Variants in DACH1 observed in about 807,000 individuals in gnomAD.
DACH1 encodes the protein dachshund family transcription factor 1, also known as dachshund homolog 1.
In DACH1, 12 loss-of-function variants were observed where a neutral mutation model predicts 54.2. The observed-to-expected ratio is 0.22, with a 90% confidence interval of 0.14 to 0.36. DACH1 has a LOEUF of 0.36. DACH1 is among the 10% of genes least tolerant of loss of function. The pLI is 1.00. For missense variants in DACH1, 805 were observed against 929.8 expected (o/e 0.87, Z 1.75); for synonymous variants, 386 against 366.2 (o/e 1.05, Z -0.62).
chr13:71,465,081 T>C (rs779207342), intron 10 of DACH1, among the ~76,000 whole-genome samples: 1 of 152,102 alleles, frequency 6.6e-6, no homozygotes, highest in Non-Finnish European at 1.5e-5. Flanking sequence ...CTGCATTCTG[T>C]CCCTAACCAT....
At chr13:71,847,180 C>A (rs1873338870) in intron 1 of DACH1, among the ~76,000 whole-genome samples, 2 of 152,152 alleles carry the variant, frequency 1.3e-5, no homozygotes, top group South Asian at 2.1e-4. Context: ...AATTAGACAT[C>A]TTGTAATATA....
At chr13:71,485,951 C>T (rs1236528233) in intron 7 of DACH1, among the ~76,000 whole-genome samples, 3 of 151,488 alleles carry the variant, frequency 2.0e-5, no homozygotes, top group Non-Finnish European at 2.9e-5. Context: ...AAGTCTGGTG[C>T]CCAATTTTTA....
chr13:71,583,019 A>G (rs1872956902), intron 3 of DACH1, among the ~76,000 whole-genome samples: 1 of 152,234 alleles, frequency 6.6e-6, no homozygotes, highest in African/African-American at 2.4e-5. Flanking sequence ...AGAATAAGAA[A>G]GAGGGTTAAA....
intron 10 of DACH1, among the ~76,000 whole-genome samples, chr13:71,459,112 A>C (rs1226406851): frequency 6.6e-6 from 1 of 151,916 alleles, no homozygotes; most frequent in African/African-American, 2.4e-5. Context: ...TATGTCAGAT[A>C]CTTTTAGGAA....
chr13:71,556,340 G>A (rs1884248445), intron 6 of DACH1, among the ~76,000 whole-genome samples: 1 of 152,000 alleles, frequency 6.6e-6, no homozygotes, highest in South Asian at 2.1e-4. Context: ...AAATAGGTGG[G>A]AAGATTCTTA....
intron 2 of DACH1, chr13:71,674,958 T>C (rs1880459549): frequency 3.0e-6 from 2 of 674,026 alleles, no homozygotes; most frequent in Non-Finnish European, 5.4e-6. Context: ...ACAAACGGTG[T>C]TCGCAGCCGC....
chr13:71,457,901 G>A (rs1875723946), intron 10 of DACH1, among the ~76,000 whole-genome samples: 1 of 151,732 alleles, frequency 6.6e-6, no homozygotes, highest in South Asian at 2.1e-4. Flanking sequence ...ATGACACATT[G>A]TCACATCACA....
chr13:71,473,511 T>C (rs1316266750), intron 10 of DACH1, among the ~76,000 whole-genome samples: 1 of 152,232 alleles, frequency 6.6e-6, no homozygotes, highest in Non-Finnish European at 1.5e-5. Context: ...TTAAAATGTA[T>C]GTTTGAACAT....
chr13:71,701,467 T>G (rs1468905694), intron 1 of DACH1, among the ~76,000 whole-genome samples: 4 of 152,160 alleles, frequency 2.6e-5, no homozygotes, highest in Non-Finnish European at 4.4e-5. Context: ...CAAAATATTT[T>G]CTATTTGATG....
rs1873662213 is a variant in DACH1 at position 71,437,971 on chromosome 13, T to C, written c.*2684A>G. ...ACTGTAAATAAAGTCACAGGGAGAT[T>C]TCAGACAGTTTTATTAGGAGATTGT... On this transcript the variant is annotated 3_prime_UTR_variant, in exon 11 of 11. Coordinates refer to ENST00000613252, the MANE Select transcript of DACH1 (RefSeq NM_080759.6). 6.6e-6 allele frequency: 1 copy of C among 152,286 alleles called. No homozygotes were observed. The highest frequency in any genetic ancestry group is 1.5e-5 in the Non-Finnish European group (1 of 67,860). 9.4% of individuals were successfully genotyped at this position (152,286 alleles called of 1,614,324 possible). A position where few individuals can be genotyped will look rare whatever the true frequency, so the allele number is the denominator to read the frequency against.
At chr13:71,688,173 G>C (rs1881277858) in intron 1 of DACH1, among the ~76,000 whole-genome samples, 1 of 152,130 alleles carries the variant, frequency 6.6e-6, no homozygotes, top group South Asian at 2.1e-4. Flanking sequence ...AATAATCACT[G>C]ACATCGTCTA....
chr13:71,676,759 C>T (rs756342736), intron 2 of DACH1, among the ~76,000 whole-genome samples: 2 of 151,964 alleles, frequency 1.3e-5, no homozygotes, highest in Non-Finnish European at 2.9e-5. Context: ...ATTAATATTG[C>T]CCCGGTCCAG....
chr13:71,482,803 T>G (rs916045799), intron 7 of DACH1, among the ~76,000 whole-genome samples: 6 of 147,846 alleles, frequency 4.1e-5, no homozygotes, highest in East Asian at 2.0e-4. Flanking sequence ...GTTTTTTTTT[T>G]TTTTTTTTTT....
chr13:71,864,291 C>A (rs777125376), intron 1 of DACH1, among the ~76,000 whole-genome samples: 27 of 151,978 alleles, frequency 1.8e-4, no homozygotes, highest in Non-Finnish European at 3.1e-4. Flanking sequence ...TACCTAAACA[C>A]GGAAAAGAAT....
At chr13:71,592,369 C>T (rs1239909767) in intron 3 of DACH1, among the ~76,000 whole-genome samples, 1 of 151,294 alleles carries the variant, frequency 6.6e-6, no homozygotes, top group Admixed American at 6.6e-5. Flanking sequence ...GTGACATCCA[C>T]CCGTGGTCCC....
chr13:71,843,971 G>T (rs1296386496), intron 1 of DACH1, among the ~76,000 whole-genome samples: 1 of 152,100 alleles, frequency 6.6e-6, no homozygotes, highest in Non-Finnish European at 1.5e-5. Context: ...TAAATGCGAA[G>T]AATCAAACTG....
At chr13:71,742,393 GT>G (rs1884427936) in intron 1 of DACH1, among the ~76,000 whole-genome samples, 1 of 152,106 alleles carries the variant, frequency 6.6e-6, no homozygotes, top group Admixed American at 6.6e-5. Flanking sequence ...GTCGTTACCA[GT>G]TTTTTATTCT....
At chr13:71,799,857 T>C (rs1887217917) in intron 1 of DACH1, among the ~76,000 whole-genome samples, 1 of 152,180 alleles carries the variant, frequency 6.6e-6, no homozygotes, top group Admixed American at 6.6e-5. Context: ...GGAATCATTA[T>C]ATCTCCATTT....
intron 2 of DACH1, among the ~76,000 whole-genome samples, chr13:71,672,661 A>G (rs1218514572): frequency 3.3e-5 from 5 of 152,176 alleles, no homozygotes; most frequent in African/African-American, 1.2e-4. Flanking sequence ...GCTTTGCACT[A>G]AAATAAACAA....
Sources: allele counts gnomAD v4.1 joint callset (sites outside exome capture counted in the v4.1 genomes callset), GRCh38; gene constraint gnomAD v4.1.1; transcripts MANE v1.5; gene names NCBI Gene and HGNC (gene_info 2026-07-23, HGNC 2026-07-21).